Variants in TCEA1 observed in about 807,000 individuals in gnomAD.
The protein encoded by TCEA1 is transcription elongation factor A1, also known as transcription elongation factor A protein 1.
A neutral mutation model predicts 43.8 loss-of-function variants in TCEA1; 21 were observed. That is an observed-to-expected ratio of 0.48 (90% CI 0.34 to 0.69). The LOEUF (loss-of-function observed/expected upper bound fraction) is 0.69. TCEA1 is among the 30% of genes least tolerant of loss of function. The probability of loss-of-function intolerance (pLI) is 0.01; values close to 1 mark genes in which losing one functional copy is unlikely to be tolerated. For synonymous variants in TCEA1, 104 were observed against 117.5 expected (o/e 0.88, Z 0.75); for missense variants, 250 against 365.1 (o/e 0.68, Z 2.57).
chr8:54,016,299 A>T (rs1269909897), intron 1 of TCEA1, among the ~76,000 whole-genome samples: 1 of 152,080 alleles, frequency 6.6e-6, no homozygotes, highest in Non-Finnish European at 1.5e-5. Context: ...ATACAGTGAA[A>T]CCCAGTCTCT....
chr8:53,973,490 T>C, intron 8 of TCEA1: 1 of 496,810 alleles, frequency 2.0e-6, no homozygotes, highest in Non-Finnish European at 3.8e-6. Context: ...AAAATAGGTA[T>C]AAAGAAAAAA....
At chr8:53,993,568 A>T in intron 4 of TCEA1, 100 bp downstream of exon 4, 1 of 913,934 alleles carries the variant, frequency 1.1e-6, no homozygotes, top group Non-Finnish European at 1.7e-6. Context: ...ATTAGAAAAC[A>T]AAAAAAGGAG....
Position 53,996,960 on chromosome 8 carries a change from C to T in TCEA1, c.232+2985G>A, listed in dbSNP as rs181043000. ...TGTTGCCCAGGCTGGAGTTCAGTGG[C>T]GCGATCTCGGCTCAGTGCAAGCTCC... On this transcript the variant is annotated intron_variant, in intron 3 of 9. Transcript: ENST00000521604. 7.9e-5 allele frequency among the ~76,000 whole-genome samples: 11 copies of T among 139,326 alleles called. No homozygotes were observed. In the East Asian group the frequency reaches 1.8e-3, roughly 23 times the overall value. The allele number at this position is 139,326 out of a possible 152,430, so 91.4% of individuals were successfully genotyped here.
intron 1 of TCEA1, among the ~76,000 whole-genome samples, chr8:54,020,068 A>C (rs1804973134): frequency 6.6e-6 from 1 of 152,222 alleles, no homozygotes; most frequent in Admixed American, 6.5e-5. Flanking sequence ...TCTTCTCCAC[A>C]CCTGCCCACT....
At chr8:53,994,903 T>G (rs931911728) in intron 3 of TCEA1, among the ~76,000 whole-genome samples, 1 of 150,930 alleles carries the variant, frequency 6.6e-6, no homozygotes, top group African/African-American at 2.4e-5. Flanking sequence ...TGAGATATTA[T>G]GAAATAAGGT....
chr8:53,982,008 G>A (rs950898152), intron 7 of TCEA1, among the ~76,000 whole-genome samples: 2 of 146,672 alleles, frequency 1.4e-5, no homozygotes, highest in African/African-American at 2.5e-5. Context: ...CAAGTGATCT[G>A]CTCATCTCGG....
intron 6 of TCEA1, among the ~76,000 whole-genome samples, chr8:53,985,159 A>C (rs1379122835): frequency 2.0e-5 from 3 of 151,826 alleles, no homozygotes; most frequent in Admixed American, 1.3e-4. Context: ...TGCGATTATA[A>C]GCGCCTGCCA....
At chr8:53,988,510 T>C (rs1050190020) in intron 4 of TCEA1, among the ~76,000 whole-genome samples, 3 of 152,210 alleles carry the variant, frequency 2.0e-5, no homozygotes, top group Non-Finnish European at 4.4e-5. Context: ...TCATTTTAAA[T>C]ATTAAGCAAT....
In TCEA1 at chr8:53,999,952, T is replaced by C; in HGVS notation, c.225A>G (p.Lys75=). The change falls in exon 3 of 10, where the codon AAA becomes AAG. Residue 75 remains lysine (K), a synonymous_variant. Coordinates refer to ENST00000521604, the MANE Select transcript of TCEA1 (RefSeq NM_006756.4). The part of the protein sequence containing the change: ...LAKSLIKSWK[K]LLDGPSTEKD... The stretch of plus-strand genomic sequence containing the variant: ...AGGGAAGATCAATGATACCTAATAA[T>C]TTTTTCCAGGATTTGATGAGAGACT... 6.3e-7 allele frequency: 1 copy of C among 1,580,024 alleles called. No individual in the cohort carries two copies. Among genetic ancestry groups the C allele is most frequent in the Non-Finnish European group, 8.7e-7 (1 of 1,155,224 alleles).
intron 7 of TCEA1, among the ~76,000 whole-genome samples, chr8:53,983,662 T>C (rs10088309): frequency 0.18 from 25,510 of 142,694 alleles, 6,075 homozygotes; most frequent in African/African-American, 0.55. Context: ...GGGCAAAATT[T>C]CGTATCAAAA....
intron 3 of TCEA1, among the ~76,000 whole-genome samples, chr8:53,996,930 C>T (rs1432874746): frequency 2.8e-5 from 2 of 72,254 alleles, no homozygotes; most frequent in Non-Finnish European, 4.1e-5. Flanking sequence ...GACAGACTCT[C>T]ACTCTGTTGC....
At chr8:53,997,231 T>C (rs1804090397) in intron 3 of TCEA1, among the ~76,000 whole-genome samples, 1 of 152,108 alleles carries the variant, frequency 6.6e-6, no homozygotes, top group African/African-American at 2.4e-5. Flanking sequence ...TCTAACAGAA[T>C]GATGATTTTA....
At chr8:53,986,920 A>C in intron 6 of TCEA1, 49 bp downstream of exon 6, 1 of 1,441,242 alleles carries the variant, frequency 6.9e-7, no homozygotes, top group Non-Finnish European at 9.4e-7. Context: ...ATGTTCAATA[A>C]ATATTACTTA....
chr8:53,972,524 G>A (rs1803188718), intron 8 of TCEA1: 1 of 541,660 alleles, frequency 1.8e-6, no homozygotes, highest in African/African-American at 1.9e-5. Context: ...TTTGCAACAT[G>A]GACTGGGATA....
intron 4 of TCEA1, among the ~76,000 whole-genome samples, chr8:53,990,808 T>C (rs1803851832): frequency 6.6e-6 from 1 of 152,250 alleles, no homozygotes; most frequent in Non-Finnish European, 1.5e-5. Flanking sequence ...TCCCACTTCC[T>C]ACATTCTGAT....
chr8:53,981,111 G>A (rs1803486979), intron 7 of TCEA1, among the ~76,000 whole-genome samples: 1 of 152,174 alleles, frequency 6.6e-6, no homozygotes, highest in African/African-American at 2.4e-5. Flanking sequence ...AAGTCAAGAG[G>A]CTACCAGAAG....
At chr8:53,999,301 A>G (rs1261121376) in intron 3 of TCEA1, among the ~76,000 whole-genome samples, 1 of 151,886 alleles carries the variant, frequency 6.6e-6, no homozygotes, top group Non-Finnish European at 1.5e-5. Context: ...AGGTAGAAAA[A>G]CAAAAGAACT....
At chr8:53,972,450 C>T in intron 8 of TCEA1, 1 of 518,558 alleles carries the variant, frequency 1.9e-6, no homozygotes. Flanking sequence ...AAGTTTTGGG[C>T]ATGCATGGAG....
At chr8:53,993,181 C>T (rs1286394398) in intron 4 of TCEA1, among the ~76,000 whole-genome samples, 2 of 143,466 alleles carry the variant, frequency 1.4e-5, no homozygotes, top group African/African-American at 5.2e-5. Context: ...CCGTGTTAGC[C>T]AGGCTGGTCT....
Sources: allele counts gnomAD v4.1 joint callset (sites outside exome capture counted in the v4.1 genomes callset), GRCh38; gene constraint gnomAD v4.1.1; transcripts MANE v1.5; gene names NCBI Gene and HGNC (gene_info 2026-07-23, HGNC 2026-07-21).